The following GYS2 variants were observed in gnomAD, a reference collection of about 807,000 sequenced individuals.
GYS2 encodes the protein glycogen synthase 2.
Under a neutral mutation model 85.6 loss-of-function variants are expected in GYS2, and 80 were observed. The observed-to-expected ratio is 0.93, with a 90% CI of 0.78 to 1.13. GYS2 has a LOEUF of 1.13. Among genes scored for constraint, GYS2 ranks in the 50% most tolerant of loss-of-function variants. The pLI is 0.00. For synonymous variants in GYS2, 328 were observed against 300.7 expected (o/e 1.09, Z -0.94); for missense variants, 881 against 854.9 (o/e 1.03, Z -0.38).
At chr12:21,548,640 G>C (rs1944070358) in intron 11 of GYS2, among the ~76,000 whole-genome samples, 1 of 151,962 alleles carries the variant, frequency 6.6e-6, no homozygotes, top group East Asian at 1.9e-4. Context: ...AGCCAGTTCT[G>C]GGCCCACACT....
chr12:21,557,193 T>C (rs933648143), intron 11 of GYS2, among the ~76,000 whole-genome samples: 1 of 152,232 alleles, frequency 6.6e-6, no homozygotes, highest in Non-Finnish European at 1.5e-5. Context: ...AAAAGATTCA[T>C]TGTGGCTATT....
intron 4 of GYS2, among the ~76,000 whole-genome samples, chr12:21,572,504 T>G (rs1010129864): frequency 3.3e-5 from 5 of 152,230 alleles, no homozygotes; most frequent in African/African-American, 1.2e-4. Flanking sequence ...GCATGGGGGC[T>G]TCTGCTGTGT....
At position 21,551,014 on chromosome 12, in the gene GYS2, T is replaced by A. The variant is rs1001468756; in HGVS notation, c.1423-4544A>T. Among the ~76,000 whole-genome samples the A allele has an allele frequency of 0.037, 82 of 2,196 alleles. No individual in the cohort carries two copies. In the East Asian group the frequency reaches 0.5, roughly 13 times the overall value. The allele number at this position is 2,196 out of a possible 152,430, so 1.4% of individuals were successfully genotyped here. On this transcript the variant is annotated intron_variant, in intron 11 of 15. Transcript: ENST00000261195. ...CTCTACACTTTTCTTTTTTTTTTAATTTTTTTTTATTATACTTTAAGTTTT... is the reference window on the plus strand; with the variant it reads ...CTCTACACTTTTCTTTTTTTTTTAAATTTTTTTTATTATACTTTAAGTTTT...
intron 1 of GYS2, among the ~76,000 whole-genome samples, chr12:21,588,242 C>T (rs950420678): frequency 6.6e-6 from 1 of 152,208 alleles, no homozygotes; most frequent in African/African-American, 2.4e-5. Context: ...CATCAGACTA[C>T]AGGTTTTAAT....
intron 11 of GYS2, among the ~76,000 whole-genome samples, chr12:21,550,486 C>T (rs1761455029): frequency 6.6e-6 from 1 of 152,164 alleles, no homozygotes; most frequent in South Asian, 2.1e-4. Context: ...CTGCTTTAGG[C>T]TGCTCCTCTT....
intron 13 of GYS2, among the ~76,000 whole-genome samples, chr12:21,541,291 A>AC (rs1565591467): frequency 3.7e-5 from 5 of 135,272 alleles, no homozygotes; most frequent in African/African-American, 1.3e-4. Flanking sequence ...AAAAAAAAAA[A>AC]CAAAAAACCC....
chr12:21,558,767 A>G (rs1021380423), intron 10 of GYS2, among the ~76,000 whole-genome samples: 14 of 152,306 alleles, frequency 9.2e-5, no homozygotes, highest in Non-Finnish European at 1.6e-4. Context: ...CTTTTCTCTA[A>G]TGTGACTCAA....
At chr12:21,590,266 C>A (rs1400073077) in intron 1 of GYS2, among the ~76,000 whole-genome samples, 1 of 152,182 alleles carries the variant, frequency 6.6e-6, no homozygotes, top group African/African-American at 2.4e-5. Context: ...TAGCCGGTGT[C>A]CACACACACC....
intron 2 of GYS2, among the ~76,000 whole-genome samples, chr12:21,579,176 C>T (rs1485466446): frequency 6.6e-6 from 1 of 152,152 alleles, no homozygotes; most frequent in Non-Finnish European, 1.5e-5. Flanking sequence ...CTTGACTTGA[C>T]ATCACGATTC....
chr12:21,549,971 T>C (rs1159497505), intron 11 of GYS2, among the ~76,000 whole-genome samples: 1 of 152,238 alleles, frequency 6.6e-6, no homozygotes, highest in Non-Finnish European at 1.5e-5. Context: ...GTATTGGACT[T>C]CTGATTCCTT....
intron 11 of GYS2, among the ~76,000 whole-genome samples, chr12:21,552,267 C>T (rs1405929066): frequency 6.6e-6 from 1 of 152,162 alleles, no homozygotes. Flanking sequence ...ATTTTTACAC[C>T]GTGGCAGCCC....
intron 10 of GYS2, 74 bp from the exon 11 acceptor site, chr12:21,558,387 A>G: frequency 1.1e-6 from 1 of 906,462 alleles, no homozygotes; most frequent in Non-Finnish European, 1.8e-6. Context: ...ACAATAGGTC[A>G]TTGACATTTC....
intron 13 of GYS2, among the ~76,000 whole-genome samples, chr12:21,541,753 A>T (rs950457261): frequency 6.6e-6 from 1 of 151,966 alleles, no homozygotes; most frequent in Non-Finnish European, 1.5e-5. Context: ...CATTTGTTAG[A>T]TGGGTACATT....
chr12:21,556,038 A>G (rs1394818835), intron 11 of GYS2, among the ~76,000 whole-genome samples: 1 of 151,862 alleles, frequency 6.6e-6, no homozygotes, highest in African/African-American at 2.4e-5. Flanking sequence ...AGTTTCTCCT[A>G]CCTCAATTTC....
chr12:21,585,597 G>A (rs1944563760), intron 1 of GYS2, among the ~76,000 whole-genome samples: 1 of 150,466 alleles, frequency 6.6e-6, no homozygotes, highest in Non-Finnish European at 1.5e-5. Flanking sequence ...CTGCTGAGGT[G>A]CTTGCTGAGG....
intron 1 of GYS2, among the ~76,000 whole-genome samples, chr12:21,585,146 C>T (rs560675318): frequency 1.3e-5 from 2 of 152,248 alleles, no homozygotes; most frequent in South Asian, 4.2e-4. Flanking sequence ...CACCACTCAC[C>T]ATCACCCCTA....
rs180874121 is a variant in GYS2, at chr12:21,579,417, G to T, written c.303+925C>A. 1.5e-3 allele frequency among the ~76,000 whole-genome samples: 206 copies of T among 139,590 alleles called. 2 individuals are homozygous for T. Among genetic ancestry groups the T allele is most frequent in the Non-Finnish European group, 3.2e-4 (21 of 66,382 alleles). The allele number at this position is 139,590 out of a possible 152,430, so 91.6% of individuals were successfully genotyped here. Reference sequence around the variant, plus strand: ...TGCCCAAGCAGGCGAGCAATGGCACGATCTCAGCTCATTGCAACCTCTGCC... The same window carrying T: ...TGCCCAAGCAGGCGAGCAATGGCACTATCTCAGCTCATTGCAACCTCTGCC... On this transcript the variant is annotated intron_variant, in intron 2 of 15. Coordinates refer to ENST00000261195, the MANE Select transcript of GYS2 (RefSeq NM_021957.4).
chr12:21,558,128 G>A, intron 11 of GYS2, 72 bp downstream of exon 11: 1 of 933,430 alleles, frequency 1.1e-6, no homozygotes, highest in East Asian at 2.5e-5. Context: ...AACAACTAAG[G>A]AAAGCTAATA....
rs936662982 is a variant in GYS2, at chr12:21,578,285, C to T, written c.303+2057G>A. On this transcript the variant is annotated intron_variant, in intron 2 of 15. Transcript: ENST00000261195. ...TTCCTGTCTATTCCTTATTTAATTC[C>T]TTCCTTTTCTATCTATTCCAATGCA... is the stretch of plus-strand genomic sequence containing the variant. Among the ~76,000 whole-genome samples, 4 of 152,108 alleles carry T rather than the reference C, an allele frequency of 2.6e-5. No individual in the cohort carries two copies. In the South Asian group the frequency reaches 8.3e-4, roughly 32 times the overall value.
Sources: gnomAD v4.1 joint callset for allele counts (sites outside exome capture counted in the v4.1 genomes callset) on GRCh38, gnomAD v4.1.1 for gene constraint, MANE v1.5 for transcripts, NCBI Gene and HGNC (gene_info 2026-07-23, HGNC 2026-07-21) for gene names.